TFDP1: variants seen among roughly 807,000 people sequenced by gnomAD.
TFDP1 encodes DRTF1-polypeptide 1.
In TFDP1, 6 loss-of-function variants were observed where a neutral mutation model predicts 48.0. The ratio of observed to expected loss-of-function variants is 0.13; its 90% CI spans 0.07 to 0.25. The LOEUF is 0.25. TFDP1 is among the 10% of genes least tolerant of loss of function. TFDP1 has a pLI of 1.00. For missense variants in TFDP1, 335 were observed against 543.0 expected, an observed-to-expected ratio of 0.62 and a Z score of 3.81; for synonymous variants, 201 against 211.6, an observed-to-expected ratio of 0.95 and a Z score of 0.44.
rs756891931 is a variant in TFDP1, at chr13:113,611,031, C to G, written c.48C>G (p.Val16=). 9 of 1,614,160 alleles carry G rather than the reference C, an allele frequency of 5.6e-6. No homozygotes were observed. The South Asian group carries it at 7.7e-5, about 14-fold the overall frequency. ...GLIEANGELK[V]FIDQNLSPGK... ...TTGAAGCCAACGGAGAACTCAAGGT[C>G]TTCATAGACCAGAACCTTAGTCCCG... is the stretch of plus-strand genomic sequence containing the variant. The change falls in exon 3 of 12, where the codon GTC becomes GTG. Residue 16 remains valine (V), a synonymous_variant. Transcript: ENST00000375370.
chr13:113,604,618 G>C (rs1019435303), intron 2 of TFDP1, among the ~76,000 whole-genome samples: 1 of 144,098 alleles, frequency 6.9e-6, no homozygotes, highest in African/African-American at 2.6e-5. Context: ...TGCGCATCCT[G>C]TTGACACGAG....
At chr13:113,612,506 C>A (rs534055147) in intron 3 of TFDP1, among the ~76,000 whole-genome samples, 1 of 152,240 alleles carries the variant, frequency 6.6e-6, no homozygotes, top group South Asian at 2.1e-4. Flanking sequence ...AGAGAAATAT[C>A]GTTTTAGTGT....
chr13:113,612,875 C>G lies in TFDP1; in HGVS notation c.79+1813C>G, dbSNP rs1410224664. 2.0e-5 allele frequency among the ~76,000 whole-genome samples: 3 copies of G among 152,232 alleles called. No individual in the cohort carries two copies. The South Asian group carries it at 6.2e-4, about 31-fold the overall frequency. The stretch of plus-strand genomic sequence containing the variant: ...CCCAGCAGGGCCGTGCATTTCCCCT[C>G]AGCTCGCCCCGCGTGCCCCGGCCCC... On this transcript the variant is annotated intron_variant, in intron 3 of 11. Coordinates refer to ENST00000375370, the MANE Select transcript of TFDP1 (RefSeq NM_007111.5).
chr13:113,640,034 C>T, intron 11 of TFDP1, 86 bp from the exon 12 acceptor site: 1 of 989,504 alleles, frequency 1.0e-6, no homozygotes, highest in East Asian at 2.5e-5. Flanking sequence ...TGGGGCACAG[C>T]CTGTCATTTG....
intron 2 of TFDP1, 122 bp downstream of exon 2, chr13:113,585,971 T>G (rs946301571): frequency 8.5e-7 from 1 of 1,179,666 alleles, no homozygotes; most frequent in Admixed American, 1.8e-5. Flanking sequence ...TTCAGACTTT[T>G]AAAGCGTCTG....
rs192252759 is a variant in TFDP1, at chr13:113,624,825, A to T, written c.186+1539A>T. ...CTCAGGTGTTTCTCAGGTGTCTCTC[A>T]CGTGTCCTCAGGTGTTTCTCAGGTG... On this transcript the variant is annotated intron_variant, in intron 4 of 11. Transcript: ENST00000375370. 5.6e-4 allele frequency among the ~76,000 whole-genome samples: 78 copies of T among 139,728 alleles called. 2 individuals carry two copies. The East Asian group carries it at 0.014, about 25-fold the overall frequency. The allele number at this position is 139,728 out of a possible 152,430, so 91.7% of individuals were successfully genotyped here. A position where few individuals can be genotyped will look rare whatever the true frequency, so the allele number is the denominator to read the frequency against.
intron 2 of TFDP1, among the ~76,000 whole-genome samples, chr13:113,610,517 G>T (rs764725822): frequency 8.2e-5 from 12 of 146,006 alleles, no homozygotes; most frequent in Non-Finnish European, 1.6e-4. Context: ...CCGCTGTGTG[G>T]TTGTGCCATC....
Position 113,617,900 on chromosome 13 carries a change from T to C in TFDP1, c.80-5280T>C, listed in dbSNP as rs141974641. Among the ~76,000 whole-genome samples, 915 of 152,364 alleles carry C rather than the reference T, an allele frequency of 6.0e-3. 9 individuals carry two copies. The highest frequency in any genetic ancestry group is 0.021 in the African/African-American group (871 of 41,584). The stretch of plus-strand genomic sequence containing the variant: ...GGATTAGTAATGATAAAAACGTGAA[T>C]ACTATATTTAGACTCCTTTTTCTGT... On this transcript the variant is annotated intron_variant, in intron 3 of 11. Coordinates refer to ENST00000375370, the MANE Select transcript of TFDP1 (RefSeq NM_007111.5).
At position 113,638,520 on chromosome 13, in the gene TFDP1, G is replaced by A. The variant is rs73577500; in HGVS notation, c.1085+624G>A. ...GAACGCGTCTGTGATTATGGTACAC[G>A]TATTTTTCAGAACGCGTCTGCAATC... On this transcript the variant is annotated intron_variant, in intron 11 of 11. Transcript: ENST00000375370. 9.2e-3 allele frequency among the ~76,000 whole-genome samples: 1,343 copies of A among 146,532 alleles called. 18 individuals are homozygous for A. The highest frequency in any genetic ancestry group is 0.033 in the African/African-American group (1,284 of 39,504).
intron 2 of TFDP1, among the ~76,000 whole-genome samples, chr13:113,603,250 G>C (rs1173742504): frequency 6.6e-6 from 1 of 152,224 alleles, no homozygotes; most frequent in Admixed American, 6.5e-5. Flanking sequence ...GTGTAAGGGA[G>C]AGTCCTCTTC....
At chr13:113,620,157 C>T (rs1488310376) in intron 3 of TFDP1, among the ~76,000 whole-genome samples, 1 of 152,222 alleles carries the variant, frequency 6.6e-6, no homozygotes, top group Non-Finnish European at 1.5e-5. Context: ...GCCGGCCGGC[C>T]TGTGGGTGGA....
intron 2 of TFDP1, among the ~76,000 whole-genome samples, chr13:113,594,908 G>A (rs894590835): frequency 2.6e-5 from 4 of 152,220 alleles, no homozygotes; most frequent in East Asian, 1.9e-4. Flanking sequence ...ATGAAGTCAC[G>A]TTCATATGTG....
At position 113,635,994 on chromosome 13, in the gene TFDP1, C is replaced by T. The variant is rs369104225; in HGVS notation, c.705C>T (p.Asn235=). 79 of 1,613,668 alleles carry T rather than the reference C, an allele frequency of 4.9e-5. No homozygotes were observed. Among genetic ancestry groups the T allele is most frequent in the South Asian group, 2.0e-4 (18 of 91,062 alleles). Residue 235 remains asparagine (N), a synonymous_variant, in exon 9 of 12, where the codon AAC becomes AAT. Transcript: ENST00000375370. Reference sequence around the variant, plus strand: ...TTTTTTAGCAAATTGCCTTCAAGAACCTGGTGCAGAGAAACCGGCATGCGG... The same window carrying T: ...TTTTTTAGCAAATTGCCTTCAAGAATCTGGTGCAGAGAAACCGGCATGCGG... ...ELILQQIAFK[N]LVQRNRHAEQ...
At chr13:113,614,029 C>G (rs111173926) in intron 3 of TFDP1, among the ~76,000 whole-genome samples, 2,025 of 123,648 alleles carry the variant, frequency 0.016, 43 homozygotes, top group African/African-American at 0.073. Context: ...TGTGTGCGTG[C>G]GTTTGTGAGT....
chr13:113,631,627 T>C lies in TFDP1; in HGVS notation c.191T>C (p.Ile64Thr). 1 of 1,613,292 alleles carries C rather than the reference T, an allele frequency of 6.2e-7. No homozygotes were observed. Among genetic ancestry groups the C allele is most frequent in the Non-Finnish European group, 8.5e-7 (1 of 1,179,656 alleles). ...AATTGTCTTTTTCGACTGTAGGTAA[T>C]TGGTACGCCTCAGAGACCGGCAGCG... ...SNVNIAQQVV[I>T]GTPQRPAASN... The change falls in exon 5 of 12, where the codon ATT (isoleucine) becomes ACT (threonine). Residue 64 changes from isoleucine to threonine, a missense_variant. Ile to Thr is a moderately conservative substitution (Grantham distance 89). This residue lies in a region of TFDP1 where 103 missense variants were observed against 140.4 expected (regional missense o/e 0.73). Transcript: ENST00000375370.
At chr13:113,601,506 G>A (rs1393230980) in intron 2 of TFDP1, among the ~76,000 whole-genome samples, 3 of 152,218 alleles carry the variant, frequency 2.0e-5, no homozygotes, top group African/African-American at 7.2e-5. Context: ...CCAGGCTCTG[G>A]TGCTTGGTGG....
At chr13:113,594,105 C>T (rs1453373747) in intron 2 of TFDP1, among the ~76,000 whole-genome samples, 6 of 99,738 alleles carry the variant, frequency 6.0e-5, no homozygotes, top group Non-Finnish European at 9.9e-5. Context: ...GTGTGGTGTA[C>T]GTGGGTCCTC....
intron 2 of TFDP1, among the ~76,000 whole-genome samples, chr13:113,608,222 A>G (rs1210159888): frequency 6.6e-6 from 1 of 152,152 alleles, no homozygotes; most frequent in Non-Finnish European, 1.5e-5. Context: ...CAACAGAAAA[A>G]AGGCACTGTG....
chr13:113,602,095 T>TA (rs1320032862), intron 2 of TFDP1, among the ~76,000 whole-genome samples: 1 of 150,942 alleles, frequency 6.6e-6, no homozygotes, highest in Non-Finnish European at 1.5e-5. Flanking sequence ...CGGATGGAGT[T>TA]ACCCGCAGGA....
Sources: gnomAD v4.1 joint callset for allele counts (sites outside exome capture counted in the v4.1 genomes callset) on GRCh38, gnomAD v4.1.1 for gene constraint, gnomAD v4.1.1 regional missense constraint, MANE v1.5 for transcripts, NCBI Gene and HGNC (gene_info 2026-07-23, HGNC 2026-07-21) for gene names.